Variants in PDE4C observed in about 807,000 individuals in gnomAD.
PDE4C encodes the protein phosphodiesterase 4C.
PDE4C carries 50 observed loss-of-function variants against 63.9 expected under a neutral mutation model. That is an observed-to-expected ratio of 0.78 (90% CI 0.62 to 0.99). PDE4C has a LOEUF of 0.99. PDE4C is among the 50% of genes least tolerant of loss of function. The pLI is 0.00. For missense variants in PDE4C, 777 were observed against 899.1 expected (o/e 0.86, Z 1.74); for synonymous variants, 377 against 385.1 (o/e 0.98, Z 0.25).
intron 1 of PDE4C, among the ~76,000 whole-genome samples, chr19:18,232,257 C>T (rs139115321): frequency 2.0e-5 from 3 of 151,928 alleles, no homozygotes; most frequent in African/African-American, 4.8e-5. Flanking sequence ...CCCAGCTACT[C>T]GAGACTGAGG....
At chr19:18,233,354 G>A in exon 1 of PDE4C, 1 of 942,866 alleles carries the variant, frequency 1.1e-6, no homozygotes, top group Non-Finnish European at 1.7e-6. Context: ...TGGAACTGGG[G>A]CTCAAGGTGG....
exon 8 of PDE4C, chr19:18,219,383 C>T: frequency 6.2e-7 from 1 of 1,606,216 alleles, no homozygotes; most frequent in Non-Finnish European, 8.5e-7. Context: ...GGCAGCTCCA[C>T]CTCGGTCTGC....
chr19:18,222,165 GC>G lies in PDE4C; in HGVS notation c.304del (p.Ala102ProfsTer17). ...GGCCACAGAGGAGTTCCGAGACATG[GC>G]CTTGGGCGAGAGTTCATAGTCGCTA... On this transcript the variant is annotated frameshift_variant, in exon 2 of 15. Coordinates refer to ENST00000262805, the Ensembl canonical transcript of PDE4C. LOFTEE classifies it high-confidence loss of function. 1 of 1,613,856 alleles carries G rather than the reference GC, an allele frequency of 6.2e-7. No individual in the cohort carries two copies. Among genetic ancestry groups the G allele is most frequent in the Non-Finnish European group, 8.5e-7 (1 of 1,179,784 alleles).
upstream of PDE4C, among the ~76,000 whole-genome samples, chr19:18,248,612 C>G (rs1175310748): frequency 6.6e-6 from 1 of 151,994 alleles, no homozygotes. Context: ...GGGATTTTAT[C>G]AACTCAGGGT....
At chr19:18,218,550 AC>A in intron 9 of PDE4C, 52 bp from the exon 10 acceptor site, 1 of 1,598,066 alleles carries the variant, frequency 6.3e-7, no homozygotes, top group Non-Finnish European at 8.6e-7. Context: ...GCTGCAGCAC[AC>A]GCTGTTCCTA....
At chr19:18,216,361 GC>G (rs1968196425) in intron 12 of PDE4C, among the ~76,000 whole-genome samples, 1 of 149,856 alleles carries the variant, frequency 6.7e-6, no homozygotes, top group Non-Finnish European at 1.5e-5. Context: ...TACAGCCTCC[GC>G]CTCCTGGGTT....
chr19:18,223,330 C>A (rs922337267), intron 1 of PDE4C, among the ~76,000 whole-genome samples: 2 of 152,162 alleles, frequency 1.3e-5, no homozygotes, highest in African/African-American at 2.4e-5. Context: ...CCTGCCTCAG[C>A]CTCCCAAGGA....
At chr19:18,232,800 C>A (rs1464709496) in intron 1 of PDE4C, 9 of 958,558 alleles carry the variant, frequency 9.4e-6, no homozygotes, top group African/African-American at 8.6e-5. Flanking sequence ...TCCACCCCTA[C>A]GTAGAAATAG....
At chr19:18,235,622 C>A (rs1383715089), upstream of PDE4C, among the ~76,000 whole-genome samples, 2 of 152,178 alleles carry the variant, frequency 1.3e-5, no homozygotes, top group Non-Finnish European at 2.9e-5. Flanking sequence ...ACTCCTATCC[C>A]TGACAGTCAG....
At chr19:18,250,940 A>G (rs1375171303), upstream of PDE4C, among the ~76,000 whole-genome samples, 1 of 151,576 alleles carries the variant, frequency 6.6e-6, no homozygotes, top group Non-Finnish European at 1.5e-5. Context: ...CACCCAGCTA[A>G]TTTGTGTACA....
At position 18,216,908 on chromosome 19, in the gene PDE4C, G is replaced by C. The variant is rs201956742; in HGVS notation, c.1235-13C>G. ...GCCAGCTCTGAGTCTGTGAGGGTATGGGACTGAGAGCCCCAAGATCCACCC... is the reference window on the plus strand; with the variant it reads ...GCCAGCTCTGAGTCTGTGAGGGTATCGGACTGAGAGCCCCAAGATCCACCC... On this transcript the variant is annotated splice_polypyrimidine_tract_variant and intron_variant, in intron 11 of 14. Coordinates refer to ENST00000262805, the Ensembl canonical transcript of PDE4C. The C allele has an allele frequency of 4.4e-6, 7 of 1,587,622 alleles. No homozygotes were observed. Among genetic ancestry groups the C allele is most frequent in the Non-Finnish European group, 4.3e-6 (5 of 1,164,926 alleles).
upstream of PDE4C, chr19:18,252,606 T>C (rs1969243894): frequency 5.4e-6 from 2 of 367,740 alleles, no homozygotes; most frequent in African/African-American, 2.4e-5. Flanking sequence ...CTCTCTCTCT[T>C]TCTCTCTCTC....
the PDE4C span, among the ~76,000 whole-genome samples, chr19:18,254,499 G>C: frequency 3.3e-5 from 5 of 152,214 alleles, no homozygotes; most frequent in Non-Finnish European, 7.3e-5. Context: ...AGGCTCACAT[G>C]AGCCAAGTCA....
In PDE4C at chr19:18,219,214, C is replaced by G; in HGVS notation, c.870+20G>C. On this transcript the variant is annotated intron_variant, in intron 8 of 14. Coordinates refer to ENST00000262805, the Ensembl canonical transcript of PDE4C. ...GCCAGGGACCAAACCTTGATCTTGG[C>G]ATTGTGGTTGGGGACCCACCTTGGC... 2 of 1,614,018 alleles carry G rather than the reference C, an allele frequency of 1.2e-6. No homozygotes were observed.
At chr19:18,216,837 A>G (rs1464728333) in exon 12 of PDE4C, 2 of 1,614,160 alleles carry the variant, frequency 1.2e-6, no homozygotes, top group Admixed American at 1.7e-5. Flanking sequence ...TGAAGCCCAC[A>G]GCCAGGTGAT....
chr19:18,234,225 G>A (rs1968909761), upstream of PDE4C: 2 of 152,432 alleles, frequency 1.3e-5, no homozygotes, highest in Admixed American at 6.5e-5. Flanking sequence ...CACCTTTTGT[G>A]GAAGCTCAGG....
At chr19:18,218,306 C>T in intron 10 of PDE4C, 28 bp downstream of exon 10, 1 of 1,613,354 alleles carries the variant, frequency 6.2e-7, no homozygotes, top group South Asian at 1.1e-5. Context: ...CTGCACCCGC[C>T]CACCTGCCTG....
At chr19:18,208,054 G>C (rs1215959929), downstream of PDE4C, 1 of 151,980 alleles carries the variant, frequency 6.6e-6, no homozygotes, top group African/African-American at 2.4e-5. Flanking sequence ...TTTGTAAGCG[G>C]ACTGGGGGGA....
intron 7 of PDE4C, chr19:18,219,714 C>T (rs1199674202): frequency 7.4e-6 from 2 of 269,706 alleles, no homozygotes; most frequent in Non-Finnish European, 1.4e-5. Context: ...ACCCCAGCTA[C>T]TCAGGAGGCT....
Sources: allele counts gnomAD v4.1 joint callset (sites outside exome capture counted in the v4.1 genomes callset), GRCh38; gene constraint gnomAD v4.1.1; transcripts MANE v1.5; gene names NCBI Gene and HGNC (gene_info 2026-07-23, HGNC 2026-07-21).